AGBL1: variants seen among roughly 807,000 people sequenced by gnomAD.
The protein encoded by AGBL1 is cytosolic carboxypeptidase 4.
In AGBL1, 130 loss-of-function variants were observed where a neutral mutation model predicts 118.9. That is an observed-to-expected ratio of 1.09 (90% CI 0.95 to 1.26). The LOEUF is 1.26. AGBL1 is among the 50% of genes most tolerant of loss of function. AGBL1 has a pLI of 0.00. For synonymous variants in AGBL1, 555 were observed against 478.9 expected (o/e 1.16, Z -2.08); for missense variants, 1,584 against 1,298.1 (o/e 1.22, Z -3.38).
At chr15:86,407,625 T>G (rs1351583970) in intron 18 of AGBL1, among the ~76,000 whole-genome samples, 6 of 152,186 alleles carry the variant, frequency 3.9e-5, no homozygotes, top group Admixed American at 2.6e-4. Flanking sequence ...GAAGGTATGA[T>G]TTTTGTTGAA....
intron 23 of AGBL1, among the ~76,000 whole-genome samples, chr15:86,954,523 A>G (rs1362226492): frequency 1.3e-5 from 2 of 152,214 alleles, no homozygotes; most frequent in Non-Finnish European, 2.9e-5. Context: ...ACTGGATGCC[A>G]TAATCCTAAG....
intron 22 of AGBL1, among the ~76,000 whole-genome samples, chr15:86,787,121 T>C (rs1567173890): frequency 6.6e-6 from 1 of 152,272 alleles, no homozygotes; most frequent in East Asian, 1.9e-4. Context: ...GTTTTTTAAA[T>C]GAATTTGTAT....
chr15:86,820,970 C>T (rs1302835577), intron 22 of AGBL1, among the ~76,000 whole-genome samples: 2 of 152,068 alleles, frequency 1.3e-5, no homozygotes, highest in African/African-American at 4.8e-5. Context: ...GAAAATGTGG[C>T]ACATGTACAC....
At chr15:86,657,369 A>G (rs1189210749) in intron 21 of AGBL1, among the ~76,000 whole-genome samples, 1 of 152,182 alleles carries the variant, frequency 6.6e-6, no homozygotes, top group Non-Finnish European at 1.5e-5. Flanking sequence ...ATTCAGAAAG[A>G]GTTTTCTCTG....
At chr15:86,902,554 TAGAG>T (rs1260497104) in intron 22 of AGBL1, among the ~76,000 whole-genome samples, 1 of 152,190 alleles carries the variant, frequency 6.6e-6, no homozygotes, top group African/African-American at 2.4e-5. Context: ...TATTTATGTT[TAGAG>T]AGTTTCCTTT....
chr15:86,291,395 C>G (rs1162172323), intron 16 of AGBL1, among the ~76,000 whole-genome samples: 1 of 148,578 alleles, frequency 6.7e-6, no homozygotes, highest in Non-Finnish European at 1.5e-5. Context: ...CACACACACA[C>G]CACACAGAGA....
At chr15:86,746,600 T>A (rs1177041353) in intron 22 of AGBL1, among the ~76,000 whole-genome samples, 1 of 152,018 alleles carries the variant, frequency 6.6e-6, no homozygotes, top group Non-Finnish European at 1.5e-5. Flanking sequence ...TTACATTATA[T>A]CCCCAGTGCT....
At chr15:86,956,919 TGCACATAA>T (rs1174129441) in intron 23 of AGBL1, among the ~76,000 whole-genome samples, 5 of 152,186 alleles carry the variant, frequency 3.3e-5, no homozygotes, top group African/African-American at 1.2e-4. Context: ...AACACATCTA[TGCACATAA>T]GTGTGTATAC....
At chr15:86,903,911 C>T (rs1402394171) in intron 22 of AGBL1, among the ~76,000 whole-genome samples, 1 of 151,064 alleles carries the variant, frequency 6.6e-6, no homozygotes, top group Admixed American at 6.6e-5. Flanking sequence ...CCCACACAAC[C>T]TCCACTGATA....
chr15:86,952,051 T>C (rs1308487037), intron 23 of AGBL1, among the ~76,000 whole-genome samples: 4 of 152,004 alleles, frequency 2.6e-5, no homozygotes. Flanking sequence ...GTCGACATGG[T>C]GAAACCCCGT....
chr15:86,738,015 T>C (rs1432941760), intron 22 of AGBL1, among the ~76,000 whole-genome samples: 3 of 152,140 alleles, frequency 2.0e-5, no homozygotes, highest in Non-Finnish European at 4.4e-5. Context: ...ATGTGATATA[T>C]CACATCAACA....
intron 18 of AGBL1, among the ~76,000 whole-genome samples, chr15:86,473,063 T>C (rs948162905): frequency 6.6e-6 from 1 of 152,224 alleles, no homozygotes. Flanking sequence ...AACATTAGAT[T>C]AAATGAAATG....
intron 17 of AGBL1, among the ~76,000 whole-genome samples, chr15:86,338,154 AG>A (rs1232915964): frequency 6.6e-6 from 1 of 152,184 alleles, no homozygotes; most frequent in Non-Finnish European, 1.5e-5. Flanking sequence ...TTATGAGAAA[AG>A]GTCAGGAAGT....
intron 22 of AGBL1, among the ~76,000 whole-genome samples, chr15:86,875,697 G>C (rs2141517128): frequency 6.6e-6 from 1 of 152,292 alleles, no homozygotes; most frequent in South Asian, 2.1e-4. Flanking sequence ...CATGTTCAAA[G>C]GCTGGATTAA....
chr15:86,594,313 G>A (rs2084378217), intron 21 of AGBL1, among the ~76,000 whole-genome samples: 1 of 151,936 alleles, frequency 6.6e-6, no homozygotes, highest in African/African-American at 2.4e-5. Context: ...CAAATATTTT[G>A]TTAAAGATTA....
Position 86,874,814 on chromosome 15 carries a change from T to C in AGBL1, c.3159-32273T>C, listed in dbSNP as rs2141514816. On this transcript the variant is annotated intron_variant, in intron 22 of 22. Coordinates refer to ENST00000614907, the MANE Select transcript of AGBL1 (RefSeq NM_001386094.1). ...GCACAACACATATGAACCAGACATA[T>C]GCTACTTTCTATTCCTTTAATCCTA... Among the ~76,000 whole-genome samples, 2 of 152,190 alleles carry C rather than the reference T, an allele frequency of 1.3e-5. 1 individual carries two copies. Among genetic ancestry groups the C allele is most frequent in the East Asian group, 3.9e-4 (2 of 5,190 alleles).
chr15:86,781,129 C>T (rs1265259361), intron 22 of AGBL1, among the ~76,000 whole-genome samples: 2 of 151,920 alleles, frequency 1.3e-5, no homozygotes, highest in South Asian at 2.1e-4. Context: ...GTTCATTTCT[C>T]TTTGAAATAA....
chr15:86,678,798 A>G (rs1437712953), intron 22 of AGBL1, among the ~76,000 whole-genome samples: 2 of 152,126 alleles, frequency 1.3e-5, no homozygotes, highest in Non-Finnish European at 2.9e-5. Context: ...ATATTTACAT[A>G]TTATAATTTA....
chr15:87,003,856 A>T (rs917174873), intron 24 of AGBL1, among the ~76,000 whole-genome samples: 3 of 151,134 alleles, frequency 2.0e-5, no homozygotes, highest in Non-Finnish European at 4.4e-5. Context: ...CATCTATTTG[A>T]TTATTCTCTA....
Sources: gnomAD v4.1 joint callset for allele counts (sites outside exome capture counted in the v4.1 genomes callset) on GRCh38, gnomAD v4.1.1 for gene constraint, MANE v1.5 for transcripts, NCBI Gene and HGNC (gene_info 2026-07-23, HGNC 2026-07-21) for gene names.